Variants in FGF14 observed in about 807,000 individuals in gnomAD.
FGF14 encodes the protein fibroblast growth factor 14.
Under a neutral mutation model 25.5 loss-of-function variants are expected in FGF14, and 5 were observed. The ratio of observed to expected loss-of-function variants is 0.20; its 90% CI spans 0.10 to 0.41. FGF14 has a LOEUF of 0.41. Ranked by LOEUF, FGF14 falls within the 10% of genes least tolerant of loss-of-function variation. FGF14 has a pLI of 1.00. For synonymous variants in FGF14, 138 were observed against 118.3 expected (o/e 1.17, Z -1.08); for missense variants, 222 against 320.1 (o/e 0.69, Z 2.34).
At chr13:102,237,352 G>A (rs538729258) in intron 1 of FGF14, among the ~76,000 whole-genome samples, 11 of 152,260 alleles carry the variant, frequency 7.2e-5, no homozygotes, top group African/African-American at 1.2e-4. Context: ...GGATTGAGCC[G>A]GGTATGTCTT....
At chr13:101,895,861 G>A (rs1594640443) in intron 1 of FGF14, among the ~76,000 whole-genome samples, 1 of 152,152 alleles carries the variant, frequency 6.6e-6, no homozygotes, top group Admixed American at 6.6e-5. Flanking sequence ...AATGGTAGAG[G>A]AAAGTAAATG....
At chr13:101,819,379 A>G (rs1224635516) in intron 3 of FGF14, among the ~76,000 whole-genome samples, 3 of 152,230 alleles carry the variant, frequency 2.0e-5, no homozygotes, top group African/African-American at 7.2e-5. Context: ...GAATTAATCC[A>G]GAGATCCTGT....
In FGF14 at chr13:101,853,756, A is replaced by G. The variant is rs568584442; in HGVS notation, c.408+14969T>C. On this transcript the variant is annotated intron_variant, in intron 3 of 4. Transcript: ENST00000376143. ...CAGGTGTGAGCCACCATGCATGGCC[A>G]TATAAATATTTTGAATATTCCCACA... Among the ~76,000 whole-genome samples the G allele has an allele frequency of 4.6e-5, 7 of 152,204 alleles. No individual in the cohort carries two copies. In the East Asian group the frequency reaches 5.8e-4, roughly 13 times the overall value.
intron 1 of FGF14, among the ~76,000 whole-genome samples, chr13:102,378,621 ATC>A (rs72354533): frequency 0.056 from 7,800 of 138,434 alleles, 719 homozygotes; most frequent in African/African-American, 0.19. Context: ...CTATCTATCT[ATC>A]TATCTATCTA....
At chr13:102,260,678 C>CT (rs1234321509) in intron 1 of FGF14, among the ~76,000 whole-genome samples, 2 of 152,226 alleles carry the variant, frequency 1.3e-5, no homozygotes, top group Admixed American at 1.3e-4. Context: ...CAAGAGAAAA[C>CT]TAACTCTCCA....
At chr13:102,081,027 CCTT>C (rs1327268134) in intron 1 of FGF14, among the ~76,000 whole-genome samples, 2 of 152,186 alleles carry the variant, frequency 1.3e-5, no homozygotes, top group African/African-American at 4.8e-5. Flanking sequence ...TGGCCTGAAA[CCTT>C]CTTCTCACAT....
chr13:101,739,111 G>GTATATATA (rs3064690), intron 3 of FGF14, among the ~76,000 whole-genome samples: 1 of 137,962 alleles, frequency 7.2e-6, no homozygotes, highest in African/African-American at 2.7e-5. Flanking sequence ...ATATATACAT[G>GTATATATA]TATATATATA....
chr13:101,926,039 G>A lies in FGF14; in HGVS notation c.209-50743C>T, dbSNP rs118117139. 7.9e-5 allele frequency among the ~76,000 whole-genome samples: 12 copies of A among 152,162 alleles called. No individual in the cohort carries two copies. In the East Asian group the frequency reaches 2.3e-3, roughly 29 times the overall value. On this transcript the variant is annotated intron_variant, in intron 1 of 4. Coordinates refer to the FGF14 transcript ENST00000376131. ...CTTCAAGATCCTAGTGATTTCACTG[G>A]GCCCACCCAATAATCCAGGGGAATC...
At chr13:102,263,322 A>C (rs1395011184) in intron 1 of FGF14, 1 of 263,248 alleles carries the variant, frequency 3.8e-6, no homozygotes, top group Non-Finnish European at 7.4e-6. Flanking sequence ...ACTCATTTTA[A>C]AGATGGAGAA....
intron 1 of FGF14, among the ~76,000 whole-genome samples, chr13:102,356,973 GTAGATACTTCTTAAATATC>G (rs1690269080): frequency 6.7e-6 from 1 of 149,060 alleles, no homozygotes; most frequent in Non-Finnish European, 1.5e-5. Flanking sequence ...ATTCATATCT[GTAGATACTTCTTAAATATC>G]TAGAAAGTTC....
At position 102,400,254 on chromosome 13, in the gene FGF14, C is replaced by G. The variant is rs2058672286; in HGVS notation, c.208+1217G>C. On this transcript the variant is annotated intron_variant, in intron 1 of 4. Transcript: ENST00000376131. This position sits in a 1 kb window ranked among gnomAD's most constrained non-coding sequence, Gnocchi z 4.3. ...GGGCGTCAGGGAGGCCGTGGAGAGC[C>G]ATGATCTACTGCACCGCAGTGCCAG... is the stretch of plus-strand genomic sequence containing the variant. Among the ~76,000 whole-genome samples the G allele has an allele frequency of 6.6e-6, 1 of 152,212 alleles. No homozygotes were observed. The highest frequency in any genetic ancestry group is 1.5e-5 in the Non-Finnish European group (1 of 68,042).
At chr13:101,736,695 G>C (rs1304046145) in intron 3 of FGF14, among the ~76,000 whole-genome samples, 1 of 151,994 alleles carries the variant, frequency 6.6e-6, no homozygotes, top group African/African-American at 2.4e-5. Flanking sequence ...TTTACTTATC[G>C]GTATGAGGCA....
At position 102,278,659 on chromosome 13, in the gene FGF14, TAC is replaced by T. The variant is rs201264505; in HGVS notation, c.208+122810_208+122811del. Among the ~76,000 whole-genome samples the T allele has an allele frequency of 1.9e-3, 284 of 148,960 alleles. 1 individual carries two copies. The highest frequency in any genetic ancestry group is 6.6e-3 in the African/African-American group (270 of 40,728). On this transcript the variant is annotated intron_variant, in intron 1 of 4. Transcript: ENST00000376131. ...ATATATATATATACATACACACACATACACACACACATACACACTTCATTAAG... is the reference window on the plus strand; with the variant it reads ...ATATATATATATACATACACACACATACACACACATACACACTTCATTAAG...
intron 3 of FGF14, among the ~76,000 whole-genome samples, chr13:101,740,690 A>C (rs372628026): frequency 1.3e-5 from 2 of 152,316 alleles, no homozygotes; most frequent in South Asian, 2.1e-4. Context: ...AGAGTATAAC[A>C]TAAGTTTCCA....
At chr13:102,101,988 C>A (rs2044685612) in intron 1 of FGF14, among the ~76,000 whole-genome samples, 1 of 152,168 alleles carries the variant, frequency 6.6e-6, no homozygotes, top group Admixed American at 6.5e-5. Context: ...CAGGCGTGAG[C>A]CACCACACCC....
At chr13:102,172,670 C>T (rs1369635215) in intron 1 of FGF14, among the ~76,000 whole-genome samples, 1 of 152,170 alleles carries the variant, frequency 6.6e-6, no homozygotes, top group Non-Finnish European at 1.5e-5. Flanking sequence ...TCAGCACTCT[C>T]TTCATACCTC....
intron 1 of FGF14, chr13:102,394,641 C>G (rs576770208): frequency 6.6e-6 from 1 of 152,330 alleles, no homozygotes; most frequent in Non-Finnish European, 1.5e-5. Flanking sequence ...CGTAGCGAAG[C>G]CCCCGGCGAG....
chr13:102,104,230 C>T (rs977299245), intron 1 of FGF14, among the ~76,000 whole-genome samples: 3 of 152,170 alleles, frequency 2.0e-5, no homozygotes, highest in Non-Finnish European at 4.4e-5. Flanking sequence ...ACAGTAATAG[C>T]AACCAACATC....
At chr13:102,235,494 T>G (rs1175678171) in intron 1 of FGF14, among the ~76,000 whole-genome samples, 1 of 152,156 alleles carries the variant, frequency 6.6e-6, no homozygotes, top group Non-Finnish European at 1.5e-5. Context: ...CTACATCTCA[T>G]GTAACAAAAT....
Sources: gnomAD v4.1 joint callset for allele counts (sites outside exome capture counted in the v4.1 genomes callset) on GRCh38, gnomAD v4.1.1 for gene constraint, Gnocchi (gnomAD v3.1) non-coding constraint, MANE v1.5 for transcripts, NCBI Gene and HGNC (gene_info 2026-07-23, HGNC 2026-07-21) for gene names.